The following MRPS21 variants were observed in gnomAD, a reference collection of about 807,000 sequenced individuals.
MRPS21 encodes the protein small ribosomal subunit protein bS21m.
In MRPS21, 8 loss-of-function variants were observed where a neutral mutation model predicts 9.9. That is an observed-to-expected ratio of 0.81 (90% confidence interval 0.47 to 1.45). The LOEUF is 1.45. Among genes scored for constraint, MRPS21 ranks in the 40% most tolerant of loss-of-function variants. MRPS21 has a pLI of 0.00. For missense variants in MRPS21, 101 were observed against 118.9 expected, an observed-to-expected ratio of 0.85 and a Z score of 0.70; for synonymous variants, 40 against 40.3, an observed-to-expected ratio of 0.99 and a Z score of 0.03.
chr1:150,302,870 G>A (rs78842185), intron 2 of MRPS21, among the ~76,000 whole-genome samples: 3,928 of 152,236 alleles, frequency 0.026, 162 homozygotes, highest in African/African-American at 0.089. Context: ...TGACTAGAAC[G>A]TGTCGGGTAA....
At chr1:150,298,521 A>G (rs893962376) in intron 2 of MRPS21, among the ~76,000 whole-genome samples, 2 of 152,238 alleles carry the variant, frequency 1.3e-5, no homozygotes, top group African/African-American at 4.8e-5. Context: ...AAGTATAGAT[A>G]ACACAAAAGC....
chr1:150,307,876 C>G (rs1187099950), intron 2 of MRPS21, among the ~76,000 whole-genome samples, 172 bp from the exon 3 acceptor site: 1 of 152,166 alleles, frequency 6.6e-6, no homozygotes, highest in Non-Finnish European at 1.5e-5. Flanking sequence ...GCACCCGGCC[C>G]ACAGATTCTT....
intron 2 of MRPS21, among the ~76,000 whole-genome samples, chr1:150,297,114 A>G (rs2101903668): frequency 6.6e-6 from 1 of 151,618 alleles, no homozygotes; most frequent in South Asian, 2.1e-4. Context: ...ACACGGTGAA[A>G]CCCCGTCTCT....
At chr1:150,307,066 A>G (rs1654360410) in intron 2 of MRPS21, among the ~76,000 whole-genome samples, 1 of 123,796 alleles carries the variant, frequency 8.1e-6, no homozygotes, top group African/African-American at 2.9e-5. Flanking sequence ...TTTTTTTGAG[A>G]CAAGAGTCTC....
At chr1:150,303,013 CTTTTGTTATTCTTTT>C (rs782231131) in intron 2 of MRPS21, among the ~76,000 whole-genome samples, 11 of 152,142 alleles carry the variant, frequency 7.2e-5, no homozygotes, top group Non-Finnish European at 1.5e-4. Context: ...TTCTTATGTT[CTTTTGTTATTCTTTT>C]TCCTTGTCTT....
At chr1:150,307,443 G>T (rs965348916) in intron 2 of MRPS21, among the ~76,000 whole-genome samples, 1 of 143,018 alleles carries the variant, frequency 7.0e-6, no homozygotes, top group African/African-American at 2.6e-5. Flanking sequence ...CTGCAGCCAT[G>T]AACTCCCAGG....
intron 1 of MRPS21, 118 bp downstream of exon 1, chr1:150,294,016 A>C: frequency 3.8e-6 from 1 of 265,058 alleles, no homozygotes; most frequent in Middle Eastern, 1.5e-3. Context: ...CTCCCAACTC[A>C]ACCCCTTTTG....
intron 1 of MRPS21, 100 bp from the exon 2 acceptor site, chr1:150,294,235 C>T: frequency 1.4e-6 from 1 of 734,666 alleles, no homozygotes; most frequent in Middle Eastern, 3.9e-4. Context: ...CGTCCCTGAG[C>T]ATGTTGAATT....
intron 2 of MRPS21, among the ~76,000 whole-genome samples, chr1:150,296,349 G>A (rs901378429): frequency 3.3e-5 from 5 of 152,172 alleles, no homozygotes; most frequent in African/African-American, 9.7e-5. Context: ...TGACTCACGC[G>A]TCATTTTCTT....
chr1:150,294,484 C>G (rs1252198954), intron 2 of MRPS21, 35 bp downstream of exon 2: 2 of 1,544,662 alleles, frequency 1.3e-6, no homozygotes, highest in African/African-American at 1.4e-5. Flanking sequence ...TGCCTAGACT[C>G]TCTGGGAAGT....
intron 2 of MRPS21, among the ~76,000 whole-genome samples, chr1:150,300,589 G>A (rs1296854614): frequency 6.6e-6 from 1 of 152,180 alleles, no homozygotes. Context: ...AAGCAAACAT[G>A]GAATTTCTTT....
At chr1:150,301,324 A>G (rs1553857661) in intron 2 of MRPS21, 1 of 285,448 alleles carries the variant, frequency 3.5e-6, no homozygotes, top group South Asian at 2.5e-5. Flanking sequence ...GACGAGAGCG[A>G]GACTTCGTCT....
intron 2 of MRPS21, chr1:150,304,893 A>G (rs1404354629): frequency 1.1e-5 from 3 of 274,042 alleles, no homozygotes; most frequent in South Asian, 8.6e-5. Flanking sequence ...TCTACTAAAA[A>G]TAACAAAAAT....
At chr1:150,307,233 A>G (rs1654367526) in intron 2 of MRPS21, among the ~76,000 whole-genome samples, 1 of 151,500 alleles carries the variant, frequency 6.6e-6, no homozygotes, top group Non-Finnish European at 1.5e-5. Flanking sequence ...TTTTTAGTAG[A>G]GACGGGGTTT....
In MRPS21 at chr1:150,300,969, G is replaced by A. The variant is rs587597835; in HGVS notation, c.83+6520G>A. ...GCTCAGCACTTTGGGAGGCCGAGGCGGGTGGATCATCTGAGGTCAGGAGTT... is the reference window on the plus strand; with the variant it reads ...GCTCAGCACTTTGGGAGGCCGAGGCAGGTGGATCATCTGAGGTCAGGAGTT... On this transcript the variant is annotated intron_variant, in intron 2 of 2. Coordinates refer to ENST00000614145, the MANE Select transcript of MRPS21 (RefSeq NM_031901.6). Among the ~76,000 whole-genome samples, 122 of 152,028 alleles carry A rather than the reference G, an allele frequency of 8.0e-4. 1 individual carries two copies. Among genetic ancestry groups the A allele is most frequent in the African/African-American group, 2.6e-3 (107 of 41,472 alleles).
At chr1:150,304,971 G>A (rs587653655) in intron 2 of MRPS21, 13 of 355,652 alleles carry the variant, frequency 3.7e-5, no homozygotes, top group East Asian at 3.3e-4. Context: ...CCCAGAAGGC[G>A]GAGGTTGCAG....
At chr1:150,306,477 C>G (rs1694375) in intron 2 of MRPS21, among the ~76,000 whole-genome samples, 105,946 of 150,702 alleles carry the variant, frequency 0.7, 38,517 homozygotes, top group African/African-American at 0.91. Flanking sequence ...TGTTGGCCAG[C>G]CTGGTCTTGA....
In MRPS21 at chr1:150,308,230, G is replaced by A. The variant is rs1553858854; in HGVS notation, c.*2G>A. The stretch of plus-strand genomic sequence containing the variant: ...GCAGATCCGTGGCAGGGCTGCTGAG[G>A]CCTGTGGGTGGGACACCCAGTGCGA... On this transcript the variant is annotated 3_prime_UTR_variant, in exon 3 of 3. Transcript: ENST00000614145. The A allele has an allele frequency of 5.7e-6, 9 of 1,585,996 alleles. No homozygotes were observed. The highest frequency in any genetic ancestry group is 6.9e-6 in the Non-Finnish European group (8 of 1,156,760).
At chr1:150,303,784 T>C (rs1037735380) in intron 2 of MRPS21, 1 of 399,290 alleles carries the variant, frequency 2.5e-6, no homozygotes. Flanking sequence ...GTAATACTAT[T>C]GAGGCTTTCT....
Sources: gnomAD v4.1 joint callset for allele counts (sites outside exome capture counted in the v4.1 genomes callset) on GRCh38, gnomAD v4.1.1 for gene constraint, MANE v1.5 for transcripts, NCBI Gene and HGNC (gene_info 2026-07-23, HGNC 2026-07-21) for gene names.